Variants in NBN observed in about 807,000 individuals in gnomAD.
The protein encoded by NBN is nibrin.
Under a neutral mutation model 90.8 loss-of-function variants are expected in NBN, and 88 were observed. That is an observed-to-expected ratio of 0.97 (90% CI 0.82 to 1.16). The LOEUF is 1.16. NBN is among the 50% of genes most tolerant of loss of function. The probability of loss-of-function intolerance (pLI) is 0.00; values close to 1 mark genes in which losing one functional copy is unlikely to be tolerated. For synonymous variants in NBN, 328 were observed against 295.1 expected (o/e 1.11, Z -1.14); for missense variants, 894 against 869.6 (o/e 1.03, Z -0.35).
intron 5 of NBN, among the ~76,000 whole-genome samples, chr8:89,973,331 A>G (rs1466502503): frequency 1.3e-5 from 2 of 152,260 alleles, no homozygotes; most frequent in Non-Finnish European, 2.9e-5. Flanking sequence ...GTATAGATTT[A>G]AGTATTAAAA....
At chr8:89,964,129 G>C (rs554270242) in intron 8 of NBN, among the ~76,000 whole-genome samples, 4 of 151,892 alleles carry the variant, frequency 2.6e-5, no homozygotes, top group African/African-American at 9.7e-5. Flanking sequence ...GGCTTGATCT[G>C]AACTTACCAT....
intron 14 of NBN, among the ~76,000 whole-genome samples, chr8:89,937,552 C>T (rs1809750150): frequency 6.6e-6 from 1 of 152,196 alleles, no homozygotes; most frequent in Non-Finnish European, 1.5e-5. Flanking sequence ...CTTTTAAATA[C>T]AAACTCACTA....
intron 11 of NBN, among the ~76,000 whole-genome samples, chr8:89,950,138 C>G (rs1810381848): frequency 6.6e-6 from 1 of 152,146 alleles, no homozygotes; most frequent in African/African-American, 2.4e-5. Flanking sequence ...ACTTTTGTAG[C>G]TATTACAGAT....
At position 89,970,460 on chromosome 8, in the gene NBN, C is replaced by T. The variant is rs747837246; in HGVS notation, c.800G>A (p.Gly267Glu). 4 of 1,614,044 alleles carry T rather than the reference C, an allele frequency of 2.5e-6. No homozygotes were observed. The highest frequency in any genetic ancestry group is 1.7e-6 in the Non-Finnish European group (2 of 1,179,948). The change falls in exon 7 of 16, where the codon GGA becomes GAA. Residue 267 changes from glycine to glutamate, a missense_variant. Transcript: ENST00000265433. ...TATTCCTGTATCAACAACACACGTT[C>T]CCGGAGCCAAAAAGAAATTATGTTC... ...EEEHNFFLAP[G>E]TCVVDTGITN...
In NBN at chr8:89,953,394, C is replaced by T. The variant is rs557356152; in HGVS notation, c.1695G>A (p.Gln565=). The change falls in exon 11 of 16, where the codon CAG becomes CAA. Residue 565 remains glutamine (Q), a synonymous_variant. Transcript: ENST00000265433. ...DVAIEDEVLE[Q]LFKDTKPELE... ...ACTCTGGTTTTGTGTCCTTGAATAA[C>T]TGTTCCAATACTTCATCTTCTATGG... The T allele has an allele frequency of 5.6e-6, 9 of 1,613,738 alleles. No individual in the cohort carries two copies. In the South Asian group the frequency reaches 7.7e-5, roughly 14 times the overall value.
Position 89,939,416 on chromosome 8 carries a change from C to T in NBN, c.2185-2341G>A, listed in dbSNP as rs370526780. Reference sequence around the variant, plus strand: ...TGGTGAAATCATCTAGAACACAGTCCATCTAATTCCTAATGAAATAAGCAA... The same window carrying T: ...TGGTGAAATCATCTAGAACACAGTCTATCTAATTCCTAATGAAATAAGCAA... On this transcript the variant is annotated intron_variant, in intron 14 of 15. Coordinates refer to ENST00000265433, the MANE Select transcript of NBN (RefSeq NM_002485.5). Among the ~76,000 whole-genome samples the T allele has an allele frequency of 3.3e-5, 5 of 149,544 alleles. No individual in the cohort carries two copies. The South Asian group carries it at 8.5e-4, about 26-fold the overall frequency.
In NBN at chr8:89,935,477, TG is replaced by T; in HGVS notation, c.*104del. The T allele has an allele frequency of 1.5e-6, 2 of 1,342,900 alleles. No homozygotes were observed. The highest frequency in any genetic ancestry group is 1.3e-5 in the South Asian group (1 of 79,934). The allele number at this position is 1,342,900 out of a possible 1,614,324, so 83.2% of individuals were successfully genotyped here. The stretch of plus-strand genomic sequence containing the variant: ...TTAATAAATTTAGGCCATAAAACAT[TG>T]TAACTTAAATCGCTTCTATACACTA... On this transcript the variant is annotated 3_prime_UTR_variant, in exon 16 of 16. Coordinates refer to ENST00000265433, the MANE Select transcript of NBN (RefSeq NM_002485.5).
At position 89,980,133 on chromosome 8, in the gene NBN, A is replaced by G. The variant is rs62531986; in HGVS notation, c.480+601T>C. 3.4e-3 allele frequency among the ~76,000 whole-genome samples: 519 copies of G among 152,350 alleles called. 2 individuals are homozygous for G. Among genetic ancestry groups the G allele is most frequent in the Non-Finnish European group, 5.4e-3 (369 of 68,030 alleles). ...ACCCTTGATTACAGACAACCCCACC[A>G]AAGTACAAGTTGAGTTCCAGCTGAG... On this transcript the variant is annotated intron_variant, in intron 4 of 15. Coordinates refer to ENST00000265433, the MANE Select transcript of NBN (RefSeq NM_002485.5).
In NBN at chr8:89,980,798, G is replaced by A. The variant is rs2129909239; in HGVS notation, c.416C>T (p.Thr139Ile). The change falls in exon 4 of 16, where the codon ACT becomes ATT. Residue 139 changes from threonine to isoleucine, a missense_variant. Coordinates refer to ENST00000265433, the MANE Select transcript of NBN (RefSeq NM_002485.5). Reference sequence around the variant, plus strand: ...GCATTCTTCTGTCCAATTGTTTACAGTAAATCCTCCAAGTTGCAATATAGC... The same window carrying A: ...GCATTCTTCTGTCCAATTGTTTACAATAAATCCTCCAAGTTGCAATATAGC... ...NQAILQLGGF[T>I]VNNWTEECTH... The A allele has an allele frequency of 1.2e-6, 2 of 1,613,502 alleles. No individual in the cohort carries two copies. The highest frequency in any genetic ancestry group is 1.7e-6 in the Non-Finnish European group (2 of 1,179,600).
rs1014220940 is a variant in NBN at position 89,933,348 on chromosome 8, G to A, written c.*2234C>T. 7 of 213,270 alleles carry A rather than the reference G, an allele frequency of 3.3e-5. No individual in the cohort carries two copies. The highest frequency in any genetic ancestry group is 5.9e-5 in the Admixed American group (1 of 17,082). 13.2% of individuals were successfully genotyped at this position (213,270 alleles called of 1,614,324 possible). A position where few individuals can be genotyped will look rare whatever the true frequency, so the allele number is the denominator to read the frequency against. On this transcript the variant is annotated 3_prime_UTR_variant, in exon 16 of 16. Coordinates refer to ENST00000265433, the MANE Select transcript of NBN (RefSeq NM_002485.5). Reference sequence around the variant, plus strand: ...ATACAGTATTTTCAACTTACATTGCGTTTATTACAATGTAATCCCAACTTA... The same window carrying A: ...ATACAGTATTTTCAACTTACATTGCATTTATTACAATGTAATCCCAACTTA...
At chr8:89,936,184 C>G (rs934167591) in intron 15 of NBN, 1 of 305,544 alleles carries the variant, frequency 3.3e-6, no homozygotes, top group Non-Finnish European at 6.2e-6. Context: ...TCAAGCGATT[C>G]TCCTGCCTCA....
At chr8:89,978,002 C>T (rs1245679800) in intron 5 of NBN, among the ~76,000 whole-genome samples, 1 of 152,104 alleles carries the variant, frequency 6.6e-6, no homozygotes, top group Non-Finnish European at 1.5e-5. Flanking sequence ...AATATTAGCA[C>T]ATATTTAACA....
At chr8:89,976,874 A>T (rs1009156200) in intron 5 of NBN, among the ~76,000 whole-genome samples, 2 of 152,182 alleles carry the variant, frequency 1.3e-5, no homozygotes, top group Non-Finnish European at 2.9e-5. Context: ...ATACAAAAAA[A>T]CTTCCCAGAT....
At position 89,953,339 on chromosome 8, in the gene NBN, C is replaced by A. The variant is rs1554558270; in HGVS notation, c.1750G>T (p.Glu584Ter). The A allele has an allele frequency of 6.2e-7, 1 of 1,613,550 alleles. No homozygotes were observed. The highest frequency in any genetic ancestry group is 8.5e-7 in the Non-Finnish European group (1 of 1,179,798). The stretch of plus-strand genomic sequence containing the variant: ...CTTTTTCTAACATTGACATCTTCCT[C>A]CTGTTTTTGAACTTTCACATCAATT... ...LEIDVKVQKQ[E>*]EDVNVRKRPR... Residue 584 changes from glutamate to a stop codon, truncating the protein, a stop_gained, in exon 11 of 16, where the codon GAG (glutamate) becomes TAG (stop). Coordinates refer to ENST00000265433, the MANE Select transcript of NBN (RefSeq NM_002485.5). LOFTEE classifies it high-confidence loss of function.
rs1586088924 is a variant in NBN, at chr8:89,971,285, TA to T, written c.589del (p.Tyr197ThrfsTer34). On this transcript the variant is annotated frameshift_variant, in exon 6 of 16. Transcript: ENST00000265433. LOFTEE classifies it high-confidence loss of function. ...KKQPPQIESF[Y>X]PPLDEPSIGS... is the part of the protein sequence containing the mutation. ...AATAGATGGTTCATCAAGAGGTGGG[TA>T]AAAACTGTAAAAATAATTAAAGTAT... 1.2e-6 allele frequency: 2 copies of T among 1,609,418 alleles called. No homozygotes were observed. The highest frequency in any genetic ancestry group is 1.7e-6 in the Non-Finnish European group (2 of 1,176,962).
In NBN at chr8:89,964,493, G is replaced by A. The variant is rs536965870; in HGVS notation, c.911C>T (p.Pro304Leu). 12 of 1,599,318 alleles carry A rather than the reference G, an allele frequency of 7.5e-6. No individual in the cohort carries two copies. In the South Asian group the frequency reaches 1.3e-4, roughly 18 times the overall value. ...CAATCCAATTTCTGCTTCAGGAATA[G>A]GTCTAAGACCTTGCCTATTAGAATA... ...MDMLQRQGLRPIPEAEIGLAV... is the reference protein window; with the variant it reads ...MDMLQRQGLRLIPEAEIGLAV... The change falls in exon 8 of 16, where the codon CCT becomes CTT. Residue 304 changes from proline to leucine, a missense_variant. Transcript: ENST00000265433.
chr8:89,970,159 G>A (rs1024927324), intron 7 of NBN, among the ~76,000 whole-genome samples: 3 of 151,552 alleles, frequency 2.0e-5, no homozygotes, highest in Non-Finnish European at 2.9e-5. Context: ...TAAGGCAGGA[G>A]AATTGCTTGA....
intron 13 of NBN, among the ~76,000 whole-genome samples, chr8:89,944,145 T>C (rs1193342842): frequency 6.6e-6 from 1 of 152,072 alleles, no homozygotes; most frequent in Admixed American, 6.6e-5. Context: ...GAGAGTGCAG[T>C]GTGAGGAGAG....
At chr8:89,982,497 A>G (rs1812116485) in intron 2 of NBN, 1 of 568,366 alleles carries the variant, frequency 1.8e-6, no homozygotes, top group African/African-American at 1.9e-5. Flanking sequence ...TCTAACTAAA[A>G]CAAAGAGTAA....
Sources: allele counts gnomAD v4.1 joint callset (sites outside exome capture counted in the v4.1 genomes callset), GRCh38; gene constraint gnomAD v4.1.1; transcripts MANE v1.5; gene names NCBI Gene and HGNC (gene_info 2026-07-23, HGNC 2026-07-21).